NMNAT1: variants seen among roughly 807,000 people sequenced by gnomAD.
NMNAT1 encodes the protein nicotinamide/nicotinic acid mononucleotide adenylyltransferase 1.
In NMNAT1, 11 loss-of-function variants were observed where a neutral mutation model predicts 16.7. The ratio of observed to expected loss-of-function variants is 0.66; its 90% confidence interval spans 0.41 to 1.09. The LOEUF is 1.09. Among genes scored for constraint, NMNAT1 ranks in the 50% least tolerant of loss-of-function variants. The pLI is 0.00. For missense variants in NMNAT1, 280 were observed against 332.3 expected, an observed-to-expected ratio of 0.84 and a Z score of 1.22; for synonymous variants, 110 against 119.8, an observed-to-expected ratio of 0.92 and a Z score of 0.53.
intron 1 of NMNAT1, among the ~76,000 whole-genome samples, chr1:9,961,141 T>C (rs372497279): frequency 3.9e-4 from 59 of 152,276 alleles, no homozygotes; most frequent in South Asian, 2.7e-3. Context: ...CAGCTTCCTT[T>C]ATGCTGAGAG....
the NMNAT1 span, among the ~76,000 whole-genome samples, chr1:9,994,676 G>T: frequency 6.8e-6 from 1 of 147,778 alleles, no homozygotes; most frequent in Non-Finnish European, 1.5e-5. Context: ...GCAATGGCGC[G>T]ATCTCGGCTC....
At position 9,982,545 on chromosome 1, in the gene NMNAT1, A is replaced by C. The variant is rs1641972215; in HGVS notation, c.684A>C (p.Arg228Ser). ...ACATCTCATCCACAAAAATCCGGAG[A>C]GCCCTCAGAAGGGGCCAGAGCATTC... ...ANDISSTKIR[R>S]ALRRGQSIRY... Residue 228 changes from arginine to serine, a missense_variant, in exon 5 of 5, where the codon AGA becomes AGC. Physicochemically the swap from Arg to Ser is moderately radical, Grantham distance 110 (BLOSUM62 -1). Coordinates refer to ENST00000377205, the MANE Select transcript of NMNAT1 (RefSeq NM_022787.4). The C allele has an allele frequency of 3.1e-6, 5 of 1,614,046 alleles. No homozygotes were observed. The South Asian group carries it at 5.5e-5, about 18-fold the overall frequency.
chr1:9,952,602 A>G (rs1570677453), intron 1 of NMNAT1: 1 of 152,246 alleles, frequency 6.6e-6, no homozygotes, highest in African/African-American at 2.4e-5. Context: ...CAGTGGCACA[A>G]TCTCAGCTCA....
chr1:9,981,135 C>A lies in NMNAT1; in HGVS notation c.404C>A (p.Ser135Tyr), dbSNP rs753444519. The A allele has an allele frequency of 6.2e-7, 1 of 1,613,352 alleles. No individual in the cohort carries two copies. The highest frequency in any genetic ancestry group is 2.2e-5 in the East Asian group (1 of 44,834). The change falls in exon 4 of 5, where the codon TCT (serine) becomes TAT (tyrosine). Residue 135 changes from serine to tyrosine, a missense_variant. Transcript: ENST00000377205. ...RKRKWTETQDSSQKKSLEPKT... is the reference protein window; with the variant it reads ...RKRKWTETQDYSQKKSLEPKT... The stretch of plus-strand genomic sequence containing the variant: ...AGGAAGTGGACTGAAACACAAGATT[C>A]TAGTCAAAAGAAATCCCTAGAGCCA...
chr1:9,971,658 G>A (rs781703136), intron 1 of NMNAT1, among the ~76,000 whole-genome samples: 4 of 151,958 alleles, frequency 2.6e-5, no homozygotes, highest in Non-Finnish European at 5.9e-5. Flanking sequence ...GAATGTGGAA[G>A]GACATCAAAA....
chr1:9,973,252 G>A (rs1043039676), intron 2 of NMNAT1, among the ~76,000 whole-genome samples: 1 of 151,906 alleles, frequency 6.6e-6, no homozygotes, highest in African/African-American at 2.4e-5. Flanking sequence ...GAGTAGCTGG[G>A]ATTACAGGAA....
chr1:9,996,582 T>C, the NMNAT1 span, among the ~76,000 whole-genome samples: 1 of 152,024 alleles, frequency 6.6e-6, no homozygotes, highest in African/African-American at 2.4e-5. Flanking sequence ...ACCTGCTGGG[T>C]AATTTCTTTT....
At chr1:9,950,330 A>C (rs1641078261) in intron 1 of NMNAT1, among the ~76,000 whole-genome samples, 1 of 152,180 alleles carries the variant, frequency 6.6e-6, no homozygotes, top group Admixed American at 6.5e-5. Context: ...ACCTCAAGTG[A>C]TCCGCCCGCC....
chr1:9,955,530 G>C (rs1641238187), intron 1 of NMNAT1, among the ~76,000 whole-genome samples: 1 of 152,026 alleles, frequency 6.6e-6, no homozygotes, highest in African/African-American at 2.4e-5. Flanking sequence ...ACTTGAACTT[G>C]GGAGGCAGAG....
intron 1 of NMNAT1, chr1:9,947,691 T>A (rs2101634330): frequency 6.6e-6 from 1 of 152,352 alleles, no homozygotes; most frequent in Non-Finnish European, 1.5e-5. Context: ...TTTCTTTCTT[T>A]CACAGCCCAC....
At chr1:9,992,115 G>A in the NMNAT1 span, among the ~76,000 whole-genome samples, 1 of 144,572 alleles carries the variant, frequency 6.9e-6, no homozygotes, top group Non-Finnish European at 1.5e-5. Flanking sequence ...GACGGTCTCA[G>A]TCTGTCATTC....
At chr1:9,967,717 C>G (rs1478040044) in intron 1 of NMNAT1, among the ~76,000 whole-genome samples, 1 of 151,982 alleles carries the variant, frequency 6.6e-6, no homozygotes, top group East Asian at 1.9e-4. Context: ...CCTGTAAGCC[C>G]AGCACTTTGG....
rs779393386 is a variant in NMNAT1 at position 9,975,743 on chromosome 1, G to A, written c.267G>A (p.Gln89=). ...AAGTTGATACATGGGAAAGTCTTCAGAAGGAGTGGAAAGAGACTCTGAAGG... is the reference window on the plus strand; with the variant it reads ...AAGTTGATACATGGGAAAGTCTTCAAAAGGAGTGGAAAGAGACTCTGAAGG... ...WVEVDTWESL[Q]KEWKETLKVL... Residue 89 remains glutamine, a synonymous_variant, in exon 3 of 5, where the codon CAG becomes CAA. Transcript: ENST00000377205. 1.2e-6 allele frequency: 2 copies of A among 1,613,822 alleles called. No individual in the cohort carries two copies. The highest frequency in any genetic ancestry group is 1.3e-5 in the African/African-American group (1 of 74,932).
chr1:9,977,075 T>A (rs987442128), intron 3 of NMNAT1, among the ~76,000 whole-genome samples: 1 of 151,672 alleles, frequency 6.6e-6, no homozygotes, highest in South Asian at 2.1e-4. Context: ...CCCGGCTAAT[T>A]TTTGTATTTT....
chr1:9,947,751 A>C (rs1641012192), intron 1 of NMNAT1: 1 of 152,188 alleles, frequency 6.6e-6, no homozygotes, highest in African/African-American at 2.4e-5. Context: ...ATACACCCAG[A>C]ATTGAGTGAC....
chr1:9,982,960 G>T lies in NMNAT1; in HGVS notation c.*259G>T. 1 of 313,366 alleles carries T rather than the reference G, an allele frequency of 3.2e-6. No homozygotes were observed. Among genetic ancestry groups the T allele is most frequent in the South Asian group, 3.4e-5 (1 of 29,414 alleles). The allele number at this position is 313,366 out of a possible 1,614,324, so 19.4% of individuals were successfully genotyped here. A position where few individuals can be genotyped will look rare whatever the true frequency, so the allele number is the denominator to read the frequency against. The stretch of plus-strand genomic sequence containing the variant: ...ATCTCTACTAAAAATACAAAAATTA[G>T]CTGTGTGTGGTGGCACGTGCCTGTA... On this transcript the variant is annotated 3_prime_UTR_variant, in exon 5 of 5. Coordinates refer to ENST00000377205, the MANE Select transcript of NMNAT1 (RefSeq NM_022787.4).
chr1:9,982,151 C>T lies in NMNAT1; in HGVS notation c.440-150C>T, dbSNP rs1641961966. On this transcript the variant is annotated intron_variant, in intron 4 of 4. Coordinates refer to ENST00000377205, the MANE Select transcript of NMNAT1 (RefSeq NM_022787.4). ...GTGCTGGGATTACAGGCTAGAGCCACCGCACTCGGCCTAAGCCCTCATCCT... is the reference window on the plus strand; with the variant it reads ...GTGCTGGGATTACAGGCTAGAGCCATCGCACTCGGCCTAAGCCCTCATCCT... 3.9e-6 allele frequency: 4 copies of T among 1,030,198 alleles called. No individual in the cohort carries two copies. In the South Asian group the frequency reaches 6.6e-5, roughly 17 times the overall value. The allele number at this position is 1,030,198 out of a possible 1,614,324, so 63.8% of individuals were successfully genotyped here.
At chr1:9,990,025 G>A (rs72859548), downstream of NMNAT1, among the ~76,000 whole-genome samples, 1,120 of 152,318 alleles carry the variant, frequency 7.4e-3, 15 homozygotes, top group African/African-American at 0.026. Context: ...CCAAGTGAGT[G>A]GAATGGCCCC....
intron 3 of NMNAT1, 63 bp downstream of exon 3, chr1:9,975,838 C>T (rs896522193): frequency 9.0e-6 from 12 of 1,327,994 alleles, no homozygotes; most frequent in Non-Finnish European, 1.1e-5. Context: ...TATGTTTTTA[C>T]CATGTTTCAA....
Sources: allele counts gnomAD v4.1 joint callset (sites outside exome capture counted in the v4.1 genomes callset), GRCh38; gene constraint gnomAD v4.1.1; transcripts MANE v1.5; gene names NCBI Gene and HGNC (gene_info 2026-07-23, HGNC 2026-07-21).